Variants in DPP6 observed in about 807,000 individuals in gnomAD.
The protein encoded by DPP6 is dipeptidyl peptidase like 6.
In DPP6, 69 loss-of-function variants were observed where a neutral mutation model predicts 122.6. That is an observed-to-expected ratio of 0.56 (90% CI 0.46 to 0.69). The LOEUF (loss-of-function observed/expected upper bound fraction) is 0.69. Ranked by LOEUF, DPP6 falls within the 30% of genes least tolerant of loss-of-function variation. The pLI is 0.00. For synonymous variants in DPP6, 418 were observed against 433.1 expected, an observed-to-expected ratio of 0.97 and a Z score of 0.43; for missense variants, 928 against 1,116.9, an observed-to-expected ratio of 0.83 and a Z score of 2.41.
rs151274201 is a variant in DPP6 at position 154,495,682 on chromosome 7, G to A, written c.457+20645G>A. ...TGGGATTACAGGTGTGAGCCACTGC[G>A]GCCGGCCTGTATATATGTTTTAATG... On this transcript the variant is annotated intron_variant, in intron 3 of 25. Coordinates refer to ENST00000377770, the MANE Select transcript of DPP6 (RefSeq NM_130797.4). Among the ~76,000 whole-genome samples, 500 of 152,218 alleles carry A rather than the reference G, an allele frequency of 3.3e-3. 2 individuals are homozygous for A. The highest frequency in any genetic ancestry group is 0.011 in the African/African-American group (471 of 41,534).
At chr7:153,829,354 T>C in the DPP6 span, among the ~76,000 whole-genome samples, 1 of 152,128 alleles carries the variant, frequency 6.6e-6, no homozygotes, top group Non-Finnish European at 1.5e-5. Context: ...TAGCTGGGAT[T>C]ACAGGTGCAT....
intron 1 of DPP6, among the ~76,000 whole-genome samples, chr7:154,132,430 C>T (rs1795331260): frequency 6.6e-6 from 1 of 152,126 alleles, no homozygotes; most frequent in African/African-American, 2.4e-5. Flanking sequence ...ACTGCTCATG[C>T]TGCAAGCTGC....
At chr7:154,006,193 G>A (rs73729256) in intron 1 of DPP6, among the ~76,000 whole-genome samples, 4,712 of 152,136 alleles carry the variant, frequency 0.031, 220 homozygotes, top group African/African-American at 0.11. Flanking sequence ...ATAATCATCC[G>A]TGGCATTGTT....
the DPP6 span, among the ~76,000 whole-genome samples, chr7:153,831,752 C>T: frequency 1.3e-5 from 2 of 152,104 alleles, no homozygotes; most frequent in African/African-American, 2.4e-5. Flanking sequence ...GGCTGTATAA[C>T]GCAGGCAGTG....
At chr7:153,808,257 G>A in the DPP6 span, among the ~76,000 whole-genome samples, 10 of 151,158 alleles carry the variant, frequency 6.6e-5, no homozygotes, top group South Asian at 1.7e-3. Context: ...ACGTGCGTGC[G>A]TGTGTGCCTG....
At chr7:154,373,433 G>T (rs906932611) in intron 1 of DPP6, among the ~76,000 whole-genome samples, 1 of 152,160 alleles carries the variant, frequency 6.6e-6, no homozygotes, top group Non-Finnish European at 1.5e-5. Flanking sequence ...CTCTGTGAAC[G>T]GGCTCCTGGC....
chr7:154,309,981 C>T (rs1383650784), intron 1 of DPP6, among the ~76,000 whole-genome samples: 1 of 152,180 alleles, frequency 6.6e-6, no homozygotes, highest in Non-Finnish European at 1.5e-5. Context: ...AGAATAGGGA[C>T]ACCAGGTTCT....
intron 1 of DPP6, among the ~76,000 whole-genome samples, chr7:153,899,141 T>G (rs1230866521): frequency 5.3e-5 from 8 of 151,782 alleles, no homozygotes; most frequent in African/African-American, 2.4e-5. Context: ...CTCCTTTTTC[T>G]CCTTCTCTTA....
intron 8 of DPP6, among the ~76,000 whole-genome samples, chr7:154,754,046 T>C (rs1843536929): frequency 6.6e-6 from 1 of 152,024 alleles, no homozygotes; most frequent in Non-Finnish European, 1.5e-5. Flanking sequence ...AAAAAAAAAC[T>C]GGAGACCTAA....
chr7:154,664,324 T>G (rs146427732), intron 6 of DPP6, among the ~76,000 whole-genome samples: 1 of 152,380 alleles, frequency 6.6e-6, no homozygotes, highest in East Asian at 1.9e-4. Context: ...CCAGTTAGCA[T>G]TTATGGGAAT....
chr7:153,766,270 G>A, the DPP6 span, among the ~76,000 whole-genome samples: 1 of 152,128 alleles, frequency 6.6e-6, no homozygotes, highest in Non-Finnish European at 1.5e-5. Context: ...TGAGGTTCCC[G>A]TTGTCAGCTG....
intron 1 of DPP6, among the ~76,000 whole-genome samples, chr7:154,394,897 A>T (rs1814948447): frequency 6.6e-6 from 1 of 152,338 alleles, no homozygotes; most frequent in East Asian, 1.9e-4. Context: ...TCATTTGTCC[A>T]TATATGCAAG....
At chr7:153,936,672 G>A (rs1406777195) in intron 1 of DPP6, among the ~76,000 whole-genome samples, 8 of 152,098 alleles carry the variant, frequency 5.3e-5, no homozygotes, top group South Asian at 2.1e-4. Flanking sequence ...TTAGCTGGGC[G>A]GGGTGGTGGG....
chr7:154,265,653 C>T (rs951363213), intron 1 of DPP6, among the ~76,000 whole-genome samples: 5 of 152,066 alleles, frequency 3.3e-5, no homozygotes, highest in Admixed American at 1.3e-4. Context: ...CCGACTTACA[C>T]AAAATAAACT....
At chr7:154,659,822 G>A (rs1837499941) in intron 6 of DPP6, among the ~76,000 whole-genome samples, 1 of 152,216 alleles carries the variant, frequency 6.6e-6, no homozygotes, top group Non-Finnish European at 1.5e-5. Flanking sequence ...GAGGTTGAGA[G>A]AGTCACTAGC....
chr7:153,877,391 T>C, the DPP6 span, among the ~76,000 whole-genome samples: 1 of 152,130 alleles, frequency 6.6e-6, no homozygotes. Context: ...TTTGTGTTTA[T>C]TATTATCAAA....
Position 154,582,258 on chromosome 7 carries a change from G to A in DPP6, c.627+15342G>A, listed in dbSNP as rs1456752457. On this transcript the variant is annotated intron_variant, in intron 5 of 25. Coordinates refer to ENST00000377770, the MANE Select transcript of DPP6 (RefSeq NM_130797.4). ...GCTGAAGGGGTGTTTCTGGAGATGA[G>A]GAATTGTGCTGGTTAGCCACGGGCA... Among the ~76,000 whole-genome samples the A allele has an allele frequency of 2.6e-5, 4 of 152,312 alleles. No homozygotes were observed. In the East Asian group the frequency reaches 7.7e-4, roughly 29 times the overall value.
chr7:154,158,216 C>T (rs538024269), intron 1 of DPP6, among the ~76,000 whole-genome samples: 1 of 150,736 alleles, frequency 6.6e-6, no homozygotes, highest in African/African-American at 2.4e-5. Flanking sequence ...AATTTAGAGA[C>T]CTAGAGCTTT....
chr7:154,213,015 G>A (rs1563324284), intron 1 of DPP6, among the ~76,000 whole-genome samples: 1 of 152,102 alleles, frequency 6.6e-6, no homozygotes, highest in Non-Finnish European at 1.5e-5. Flanking sequence ...ATGTTGGCAG[G>A]GAAACAGACA....
Sources: gnomAD v4.1 joint callset for allele counts (sites outside exome capture counted in the v4.1 genomes callset) on GRCh38, gnomAD v4.1.1 for gene constraint, MANE v1.5 for transcripts, NCBI Gene and HGNC (gene_info 2026-07-23, HGNC 2026-07-21) for gene names.